Variants in ABCD3 observed in about 807,000 individuals in gnomAD.
The protein encoded by ABCD3 is ATP-binding cassette sub-family D member 3.
Under a neutral mutation model 105.5 loss-of-function variants are expected in ABCD3, and 41 were observed. That is an observed-to-expected ratio of 0.39 (90% CI 0.30 to 0.50). ABCD3 has a LOEUF of 0.50. Among genes scored for constraint, ABCD3 ranks in the 20% least tolerant of loss-of-function variants. ABCD3 has a pLI of 0.84. For synonymous variants in ABCD3, 258 were observed against 269.0 expected (o/e 0.96, Z 0.40); for missense variants, 622 against 806.3 (o/e 0.77, Z 2.77).
chr1:94,394,600 T>C, the ABCD3 span, among the ~76,000 whole-genome samples: 99 of 152,188 alleles, frequency 6.5e-4, no homozygotes, highest in Non-Finnish European at 1.2e-4. Context: ...AGGGGGAGTC[T>C]GCTTGCCTCA....
At chr1:94,396,504 GTGC>G in the ABCD3 span, among the ~76,000 whole-genome samples, 1 of 152,130 alleles carries the variant, frequency 6.6e-6, no homozygotes, top group African/African-American at 2.4e-5. Context: ...CATCAAGTCA[GTGC>G]CCGCCCAGGG....
At chr1:94,430,144 C>G (rs995398198) in intron 1 of ABCD3, among the ~76,000 whole-genome samples, 9 of 152,174 alleles carry the variant, frequency 5.9e-5, no homozygotes, top group African/African-American at 2.2e-4. Context: ...GGCCTGCAGC[C>G]CCTTTGTTTT....
At chr1:94,470,081 C>T (rs1262216633) in intron 4 of ABCD3, among the ~76,000 whole-genome samples, 1 of 152,024 alleles carries the variant, frequency 6.6e-6, no homozygotes, top group South Asian at 2.1e-4. Flanking sequence ...TTGTTTTTCT[C>T]TTCCTCAGTT....
chr1:94,491,140 T>C, intron 15 of ABCD3, 44 bp from the exon 16 acceptor site: 1 of 1,380,164 alleles, frequency 7.2e-7, no homozygotes, highest in Non-Finnish European at 1.0e-6. Flanking sequence ...ATTAGTTCCT[T>C]ATATACTTTA....
At chr1:94,489,220 C>G (rs938043348) in intron 13 of ABCD3, among the ~76,000 whole-genome samples, 3 of 152,032 alleles carry the variant, frequency 2.0e-5, no homozygotes, top group African/African-American at 7.2e-5. Context: ...AAGAACTCAT[C>G]ATCTTTCCCC....
At chr1:94,491,049 C>T (rs1557684855) in intron 15 of ABCD3, 135 bp from the exon 16 acceptor site, 3 of 647,262 alleles carry the variant, frequency 4.6e-6, no homozygotes, top group Non-Finnish European at 8.1e-6. Context: ...TGTTGGCCAT[C>T]TGAATTTCTT....
intron 5 of ABCD3, 55 bp from the exon 6 acceptor site, chr1:94,475,088 G>A: frequency 3.6e-6 from 4 of 1,104,228 alleles, no homozygotes; most frequent in Non-Finnish European, 2.7e-6. Flanking sequence ...ATAAATTATA[G>A]TTTAGTAAGC....
At chr1:94,427,922 T>C (rs760345378) in intron 1 of ABCD3, among the ~76,000 whole-genome samples, 1 of 152,250 alleles carries the variant, frequency 6.6e-6, no homozygotes, top group Non-Finnish European at 1.5e-5. Context: ...ACTTTTGTTT[T>C]AGGCATCTCT....
chr1:94,471,115 C>A (rs1017852321), intron 4 of ABCD3, among the ~76,000 whole-genome samples: 2 of 151,974 alleles, frequency 1.3e-5, no homozygotes, highest in Non-Finnish European at 2.9e-5. Context: ...TGTAGGGGGA[C>A]CCTAATCATG....
intron 13 of ABCD3, 96 bp downstream of exon 13, chr1:94,488,079 C>A: frequency 1.0e-6 from 1 of 1,001,952 alleles, no homozygotes; most frequent in Non-Finnish European, 1.5e-6. Context: ...AAGGGGTCAA[C>A]ATTTCCTAGC....
At chr1:94,428,868 A>T (rs1291021562) in intron 1 of ABCD3, among the ~76,000 whole-genome samples, 1 of 152,196 alleles carries the variant, frequency 6.6e-6, no homozygotes, top group Non-Finnish European at 1.5e-5. Flanking sequence ...TGCTCAAAAG[A>T]TACCTGAAAA....
chr1:94,483,312 G>A (rs1221269558), intron 10 of ABCD3, 73 bp downstream of exon 10: 20 of 1,114,130 alleles, frequency 1.8e-5, no homozygotes, highest in African/African-American at 1.2e-4. Context: ...GCCTATGGCC[G>A]ACACACATAC....
In ABCD3 at chr1:94,498,789, C is replaced by G; in HGVS notation, c.1471C>G (p.Pro491Ala). ...CCTTCTCTCTCTTTAATAGTTATGG[C>G]CTCTTTTTGGAGGACGTCTAACTAA... Reference protein sequence around the residue: ...SLFRVLGELWPLFGGRLTKPE... With the variant: ...SLFRVLGELWALFGGRLTKPE... Residue 491 changes from proline (P) to alanine (A), a missense_variant, in exon 18 of 23, where the codon CCT becomes GCT. Around this residue, in one of 4 missense-constraint regions of ABCD3, gnomAD observed 285 missense variants for 352.5 expected, o/e 0.81. Coordinates refer to ENST00000370214, the MANE Select transcript of ABCD3 (RefSeq NM_002858.4). 6.2e-7 allele frequency: 1 copy of G among 1,613,478 alleles called. No individual in the cohort carries two copies. Among genetic ancestry groups the G allele is most frequent in the Non-Finnish European group, 8.5e-7 (1 of 1,179,728 alleles).
the ABCD3 span, among the ~76,000 whole-genome samples, chr1:94,404,427 C>G: frequency 6.6e-6 from 1 of 152,090 alleles, no homozygotes; most frequent in African/African-American, 2.4e-5. Flanking sequence ...ATCTTTGGCT[C>G]TCTTGTTTTT....
the ABCD3 span, chr1:94,406,616 C>A: frequency 3.1e-5 from 6 of 195,168 alleles, no homozygotes; most frequent in Non-Finnish European, 6.3e-5. Flanking sequence ...AGTACACACA[C>A]TGATTCTCTT....
chr1:94,461,252 C>A (rs914194562), intron 2 of ABCD3, among the ~76,000 whole-genome samples: 4 of 151,958 alleles, frequency 2.6e-5, no homozygotes, highest in Admixed American at 2.6e-4. Flanking sequence ...AGCAACTTAA[C>A]GTATTTTTTT....
chr1:94,429,925 G>T (rs561482598), intron 1 of ABCD3, among the ~76,000 whole-genome samples: 30 of 152,216 alleles, frequency 2.0e-4, no homozygotes, highest in Non-Finnish European at 4.0e-4. Flanking sequence ...TGCACTGTGC[G>T]CCTGGAAAAA....
intron 9 of ABCD3, chr1:94,482,424 T>C (rs767650144): frequency 1.3e-4 from 20 of 152,242 alleles, no homozygotes; most frequent in Non-Finnish European, 2.4e-4. Context: ...AGAGGTACTT[T>C]GCTGGGAAAG....
In ABCD3 at chr1:94,487,731, C is replaced by T. The variant is rs748094907; in HGVS notation, c.1005C>T (p.Arg335=). 1 of 1,613,986 alleles carries T rather than the reference C, an allele frequency of 6.2e-7. No individual in the cohort carries two copies. Among genetic ancestry groups the T allele is most frequent in the South Asian group, 1.1e-5 (1 of 91,070 alleles). ...TTGTTGGTTACCTAGTTGTCAGTCG[C>T]CCTTTCTTAGATTTGTCTCATCCTC... ...ATVVGYLVVS[R]PFLDLSHPRH... Residue 335 remains arginine, a synonymous_variant, in exon 12 of 23, where the codon CGC becomes CGT. Coordinates refer to ENST00000370214, the MANE Select transcript of ABCD3 (RefSeq NM_002858.4).
Sources: gnomAD v4.1 joint callset for allele counts (sites outside exome capture counted in the v4.1 genomes callset) on GRCh38, gnomAD v4.1.1 for gene constraint, gnomAD v4.1.1 regional missense constraint, MANE v1.5 for transcripts, NCBI Gene and HGNC (gene_info 2026-07-23, HGNC 2026-07-21) for gene names.